MAGI2: variants seen among roughly 807,000 people sequenced by gnomAD.
The protein encoded by MAGI2 is membrane associated guanylate kinase, WW and PDZ domain containing 2, also known as membrane-associated guanylate kinase, WW and PDZ domain-containing protein 2.
In MAGI2, 35 loss-of-function variants were observed where a neutral mutation model predicts 133.3. That is an observed-to-expected ratio of 0.26 (90% CI 0.20 to 0.35). MAGI2 has a LOEUF of 0.35. Ranked by LOEUF, MAGI2 falls within the 10% of genes least tolerant of loss-of-function variation. The pLI is 1.00. For synonymous variants in MAGI2, 729 were observed against 710.6 expected, an observed-to-expected ratio of 1.03 and a Z score of -0.41; for missense variants, 1,636 against 1,863.4, an observed-to-expected ratio of 0.88 and a Z score of 2.25.
chr7:78,590,539 T>C (rs1417364707), intron 3 of MAGI2, among the ~76,000 whole-genome samples: 2 of 152,128 alleles, frequency 1.3e-5, no homozygotes, highest in Non-Finnish European at 2.9e-5. Flanking sequence ...ACCTAAAACA[T>C]AAAAGGGAAA....
At chr7:79,369,615 T>C (rs1197864401) in intron 1 of MAGI2, among the ~76,000 whole-genome samples, 2 of 152,180 alleles carry the variant, frequency 1.3e-5, no homozygotes, top group African/African-American at 2.4e-5. Flanking sequence ...CCCAGGCTTG[T>C]AGAACTCCAG....
intron 9 of MAGI2, among the ~76,000 whole-genome samples, chr7:78,272,212 T>C (rs1277875730): frequency 6.6e-6 from 1 of 152,262 alleles, no homozygotes; most frequent in Non-Finnish European, 1.5e-5. Flanking sequence ...CCAGTAGTCA[T>C]TCAGGAGCAG....
intron 1 of MAGI2, among the ~76,000 whole-genome samples, chr7:79,042,884 C>T (rs563141466): frequency 2.6e-5 from 4 of 152,196 alleles, no homozygotes; most frequent in Middle Eastern, 3.4e-3. Context: ...ATCAACCATG[C>T]TCTTGGACCA....
At chr7:78,072,306 C>A (rs1308097376) in intron 21 of MAGI2, among the ~76,000 whole-genome samples, 1 of 152,168 alleles carries the variant, frequency 6.6e-6, no homozygotes, top group East Asian at 1.9e-4. Context: ...TTAAATTCTA[C>A]AAATAATTAA....
At chr7:79,357,620 T>A (rs1842106365) in intron 1 of MAGI2, among the ~76,000 whole-genome samples, 1 of 152,122 alleles carries the variant, frequency 6.6e-6, no homozygotes, top group Non-Finnish European at 1.5e-5. Context: ...CTGGAAAAGA[T>A]CTATGACATT....
chr7:78,926,821 GGGAAAA>G (rs1473342558), intron 2 of MAGI2, among the ~76,000 whole-genome samples: 2 of 151,800 alleles, frequency 1.3e-5, no homozygotes, highest in African/African-American at 4.8e-5. Context: ...GTGTTTGGTG[GGGAAAA>G]GGTTTTTTTT....
intron 6 of MAGI2, among the ~76,000 whole-genome samples, chr7:78,383,821 AT>A (rs1795140308): frequency 6.6e-6 from 1 of 151,798 alleles, no homozygotes; most frequent in Non-Finnish European, 1.5e-5. Flanking sequence ...GCACACGACA[AT>A]TTTCCCAGCA....
At chr7:78,526,142 C>T (rs567642879) in intron 3 of MAGI2, among the ~76,000 whole-genome samples, 1 of 152,312 alleles carries the variant, frequency 6.6e-6, no homozygotes, top group East Asian at 1.9e-4. Context: ...AGAACCTCAT[C>T]TCTTTTGAAA....
rs572724797 is a variant in MAGI2 at position 78,664,238 on chromosome 7, C to T, written c.419-36999G>A. 8.5e-5 allele frequency among the ~76,000 whole-genome samples: 13 copies of T among 152,258 alleles called. No homozygotes were observed. The East Asian group carries it at 2.5e-3, about 29-fold the overall frequency. ...ATATATGTATATACACACAACCATT[C>T]TACTTTTCTCCTTTCACCAGTAGTT... On this transcript the variant is annotated intron_variant, in intron 2 of 21. Transcript: ENST00000354212.
intron 9 of MAGI2, among the ~76,000 whole-genome samples, chr7:78,299,172 T>A (rs1167771027): frequency 2.6e-5 from 4 of 152,116 alleles, no homozygotes; most frequent in Non-Finnish European, 5.9e-5. Flanking sequence ...ATTGGGAAGG[T>A]CAAAGTAAAA....
intron 2 of MAGI2, among the ~76,000 whole-genome samples, chr7:78,676,236 A>G (rs950861584): frequency 1.3e-5 from 2 of 152,206 alleles, no homozygotes; most frequent in Admixed American, 6.5e-5. Flanking sequence ...TTAAACAAAC[A>G]TAAAGCTAAA....
chr7:78,783,114 C>T (rs1338156950), intron 2 of MAGI2, among the ~76,000 whole-genome samples: 1 of 149,180 alleles, frequency 6.7e-6, no homozygotes, highest in African/African-American at 2.5e-5. Context: ...ATATTCCCCA[C>T]AGCACGTAGC....
chr7:78,270,442 C>T (rs987870112), intron 9 of MAGI2, among the ~76,000 whole-genome samples: 1 of 152,088 alleles, frequency 6.6e-6, no homozygotes, highest in Non-Finnish European at 1.5e-5. Context: ...TTTCCTTGAG[C>T]AGTGGTTTGT....
chr7:79,095,166 G>A (rs777242498), intron 1 of MAGI2, among the ~76,000 whole-genome samples: 15 of 152,134 alleles, frequency 9.9e-5, no homozygotes, highest in Non-Finnish European at 1.9e-4. Flanking sequence ...TAGCCTCTGC[G>A]AACTTCCAAC....
chr7:79,134,581 ATACT>A (rs1821210010), intron 1 of MAGI2, among the ~76,000 whole-genome samples: 2 of 152,202 alleles, frequency 1.3e-5, no homozygotes, highest in South Asian at 4.1e-4. Context: ...TATATCGCAC[ATACT>A]TAAGTAGAGA....
intron 1 of MAGI2, among the ~76,000 whole-genome samples, chr7:79,054,062 G>A (rs529196462): frequency 1.6e-3 from 240 of 152,234 alleles, no homozygotes; most frequent in African/African-American, 5.4e-3. Flanking sequence ...CAGGCATGGT[G>A]GCTGGCGCCT....
intron 6 of MAGI2, among the ~76,000 whole-genome samples, chr7:78,467,874 T>C (rs1483089729): frequency 1.3e-5 from 2 of 152,154 alleles, no homozygotes; most frequent in South Asian, 2.1e-4. Flanking sequence ...AAAAGGTCTA[T>C]ATAAATTGTC....
At chr7:78,103,897 T>A (rs1355168291) in intron 20 of MAGI2, among the ~76,000 whole-genome samples, 2 of 152,240 alleles carry the variant, frequency 1.3e-5, no homozygotes, top group African/African-American at 2.4e-5. Flanking sequence ...AAAAGCAAAG[T>A]GAATCCACTC....
intron 2 of MAGI2, among the ~76,000 whole-genome samples, chr7:78,876,343 T>C (rs1016618542): frequency 2.3e-5 from 2 of 85,978 alleles, no homozygotes; most frequent in African/African-American, 6.8e-5. Context: ...AAAAAAAAAA[T>C]TGGAACAACA....
Sources: allele counts gnomAD v4.1 joint callset (sites outside exome capture counted in the v4.1 genomes callset), GRCh38; gene constraint gnomAD v4.1.1; transcripts MANE v1.5; gene names NCBI Gene and HGNC (gene_info 2026-07-23, HGNC 2026-07-21).